The following ELAPOR2 variants were observed in gnomAD, a reference collection of about 807,000 sequenced individuals.
ELAPOR2 encodes endosome-lysosome associated apoptosis and autophagy regulator family member 2.
ELAPOR2 carries 89 observed loss-of-function variants against 120.7 expected under a neutral mutation model. The ratio of observed to expected loss-of-function variants is 0.74; its 90% CI spans 0.62 to 0.88. The LOEUF is 0.88. Ranked by LOEUF, ELAPOR2 falls within the 40% of genes least tolerant of loss-of-function variation. ELAPOR2 has a pLI of 0.00. For synonymous variants in ELAPOR2, 444 were observed against 444.9 expected, an observed-to-expected ratio of 1.00 and a Z score of 0.03; for missense variants, 1,134 against 1,251.6, an observed-to-expected ratio of 0.91 and a Z score of 1.42.
intron 2 of ELAPOR2, among the ~76,000 whole-genome samples, chr7:86,950,057 T>A (rs1791180521): frequency 6.6e-6 from 1 of 152,134 alleles, no homozygotes; most frequent in African/African-American, 2.4e-5. Context: ...ACACACTTCC[T>A]CCCTCTGGCT....
chr7:87,040,630 AG>A (rs1267348755), intron 1 of ELAPOR2, among the ~76,000 whole-genome samples: 2 of 152,244 alleles, frequency 1.3e-5, no homozygotes, highest in Non-Finnish European at 2.9e-5. Flanking sequence ...CCATCATCAA[AG>A]ACCAAAAGTA....
chr7:86,912,880 G>T, intron 14 of ELAPOR2, 61 bp downstream of exon 14: 1 of 1,561,182 alleles, frequency 6.4e-7, no homozygotes, highest in Non-Finnish European at 8.8e-7. Flanking sequence ...TAAGGAGAAC[G>T]CTTGAATTTC....
intron 1 of ELAPOR2, among the ~76,000 whole-genome samples, chr7:87,016,486 T>C (rs1793870785): frequency 6.6e-6 from 1 of 151,780 alleles, no homozygotes; most frequent in Non-Finnish European, 1.5e-5. Context: ...ATTAAAGCAC[T>C]GGAAATAATG....
chr7:86,921,632 A>C (rs377606638), intron 10 of ELAPOR2, among the ~76,000 whole-genome samples: 1 of 152,106 alleles, frequency 6.6e-6, no homozygotes, highest in Non-Finnish European at 1.5e-5. Flanking sequence ...ACTCTGTTGC[A>C]GGAGCCCTAA....
At chr7:86,919,900 T>A (rs1176415298) in intron 10 of ELAPOR2, 1 of 152,160 alleles carries the variant, frequency 6.6e-6, no homozygotes, top group African/African-American at 2.4e-5. Context: ...TATAGAGCTG[T>A]GCACAGAGAA....
intron 21 of ELAPOR2, among the ~76,000 whole-genome samples, chr7:86,887,404 T>A (rs1053742150): frequency 1.1e-4 from 17 of 152,096 alleles, no homozygotes; most frequent in African/African-American, 4.1e-4. Context: ...CAGTTCTTCC[T>A]GGGCAAATTG....
chr7:87,016,103 A>G (rs1793857796), intron 1 of ELAPOR2, among the ~76,000 whole-genome samples: 1 of 152,184 alleles, frequency 6.6e-6, no homozygotes, highest in South Asian at 2.1e-4. Flanking sequence ...AATACTTGAA[A>G]GCAAACAGAA....
intron 1 of ELAPOR2, among the ~76,000 whole-genome samples, chr7:87,011,037 G>T (rs1388765616): frequency 6.6e-6 from 1 of 151,990 alleles, no homozygotes; most frequent in Non-Finnish European, 1.5e-5. Flanking sequence ...GGAGGCCAAG[G>T]CGGGCGGGTC....
At chr7:86,905,831 C>T (rs1788986704) in intron 18 of ELAPOR2, among the ~76,000 whole-genome samples, 1 of 152,078 alleles carries the variant, frequency 6.6e-6, no homozygotes, top group African/African-American at 2.4e-5. Flanking sequence ...TCTTGATAAA[C>T]CTGGCAAAGA....
chr7:87,054,376 T>A lies in ELAPOR2; in HGVS notation c.189+4949A>T, dbSNP rs1174085438. The stretch of plus-strand genomic sequence containing the variant: ...GGTTTTACATTGTAAATATTGATGG[T>A]GTGAATACTTGCTCGCATTTGCCTA... On this transcript the variant is annotated intron_variant, in intron 1 of 21. Transcript: ENST00000450689. 6.2e-4 allele frequency among the ~76,000 whole-genome samples: 95 copies of A among 152,228 alleles called. 1 individual carries two copies. Among genetic ancestry groups the A allele is most frequent in the Non-Finnish European group, 2.9e-5 (2 of 68,040 alleles).
chr7:86,977,670 A>G (rs1792326412), intron 1 of ELAPOR2, among the ~76,000 whole-genome samples: 1 of 152,228 alleles, frequency 6.6e-6, no homozygotes, highest in Non-Finnish European at 1.5e-5. Context: ...CTGTTTTCCT[A>G]CATCAGTTTC....
At chr7:86,965,314 T>A (rs1170640841) in intron 1 of ELAPOR2, among the ~76,000 whole-genome samples, 1 of 152,168 alleles carries the variant, frequency 6.6e-6, no homozygotes, top group Non-Finnish European at 1.5e-5. Flanking sequence ...CCCTATCTCT[T>A]GCAGGCTTTT....
chr7:87,012,161 C>T (rs572235710), intron 1 of ELAPOR2, among the ~76,000 whole-genome samples: 1 of 152,286 alleles, frequency 6.6e-6, no homozygotes, highest in East Asian at 1.9e-4. Context: ...CCTGTAATCC[C>T]AGCACTTCGG....
intron 12 of ELAPOR2, 74 bp downstream of exon 12, chr7:86,918,368 C>A: frequency 4.4e-6 from 3 of 676,210 alleles, no homozygotes; most frequent in South Asian, 2.5e-5. Context: ...TCCCAACTTG[C>A]CACAAATAAA....
At chr7:86,941,512 T>C (rs779105438) in intron 5 of ELAPOR2, 48 of 402,380 alleles carry the variant, frequency 1.2e-4, no homozygotes, top group Non-Finnish European at 2.1e-4. Flanking sequence ...AACAGAGCTG[T>C]CCAACAAATG....
In ELAPOR2 at chr7:87,059,548, G is replaced by C; in HGVS notation, c.-35C>G. ...GCCGCGGTCGGCGGGCCGGCGGCAA[G>C]GCAGCCTTCCCGGGGTGCGGCGGCA... On this transcript the variant is annotated 5_prime_UTR_variant, in exon 1 of 22. Coordinates refer to ENST00000450689, the MANE Select transcript of ELAPOR2 (RefSeq NM_001142749.3). 8.6e-7 allele frequency: 1 copy of C among 1,166,168 alleles called. No homozygotes were observed. Among genetic ancestry groups the C allele is most frequent in the African/African-American group, 1.6e-5 (1 of 61,894 alleles). 72.2% of individuals were successfully genotyped at this position (1,166,168 alleles called of 1,614,324 possible).
At chr7:87,022,375 C>G (rs1794076301) in intron 1 of ELAPOR2, among the ~76,000 whole-genome samples, 1 of 151,938 alleles carries the variant, frequency 6.6e-6, no homozygotes, top group Non-Finnish European at 1.5e-5. Flanking sequence ...ATGATGGTTT[C>G]CAGCTTCATC....
At chr7:86,973,998 T>A (rs1792190924) in intron 1 of ELAPOR2, among the ~76,000 whole-genome samples, 3 of 152,064 alleles carry the variant, frequency 2.0e-5, no homozygotes, top group African/African-American at 7.2e-5. Flanking sequence ...GATCCCTCCC[T>A]CTACCTCTTG....
intron 1 of ELAPOR2, among the ~76,000 whole-genome samples, chr7:87,051,902 T>C (rs1795113268): frequency 6.6e-6 from 1 of 152,268 alleles, no homozygotes; most frequent in Non-Finnish European, 1.5e-5. Flanking sequence ...TCCTGGAGAA[T>C]GATGACAATA....
Sources: allele counts gnomAD v4.1 joint callset (sites outside exome capture counted in the v4.1 genomes callset), GRCh38; gene constraint gnomAD v4.1.1; transcripts MANE v1.5; gene names NCBI Gene and HGNC (gene_info 2026-07-23, HGNC 2026-07-21).